ASAP1: variants seen among roughly 807,000 people sequenced by gnomAD.
ASAP1 encodes ArfGAP with SH3 domain, ankyrin repeat and PH domain 1.
Under a neutral mutation model 145.2 loss-of-function variants are expected in ASAP1, and 43 were observed. That is an observed-to-expected ratio of 0.30 (90% CI 0.23 to 0.38). The LOEUF is 0.38. Ranked by LOEUF, ASAP1 falls within the 10% of genes least tolerant of loss-of-function variation. ASAP1 has a pLI of 1.00. For synonymous variants in ASAP1, 546 were observed against 515.5 expected (o/e 1.06, Z -0.80); for missense variants, 1,018 against 1,355.3 (o/e 0.75, Z 3.91).
chr8:130,220,752 T>A (rs568772746), intron 4 of ASAP1, among the ~76,000 whole-genome samples: 1 of 152,258 alleles, frequency 6.6e-6, no homozygotes, highest in African/African-American at 2.4e-5. Context: ...ATTGACTCAG[T>A]TCAGCCATGG....
At chr8:130,178,189 TC>T (rs1814097347) in intron 9 of ASAP1, among the ~76,000 whole-genome samples, 4 of 152,244 alleles carry the variant, frequency 2.6e-5, no homozygotes, top group Admixed American at 2.6e-4. Context: ...TTTTATCTAG[TC>T]CAAACGACCT....
chr8:130,104,691 T>C (rs1270339142), intron 24 of ASAP1, among the ~76,000 whole-genome samples: 1 of 152,234 alleles, frequency 6.6e-6, no homozygotes, highest in African/African-American at 2.4e-5. Flanking sequence ...TGCTATTTCT[T>C]TATGGCACTG....
At chr8:130,322,853 T>C (rs1388197413) in intron 3 of ASAP1, among the ~76,000 whole-genome samples, 2 of 152,134 alleles carry the variant, frequency 1.3e-5, no homozygotes, top group Non-Finnish European at 2.9e-5. Context: ...TGGAGAGCAG[T>C]GGGAAAAGAT....
In ASAP1 at chr8:130,167,561, G is replaced by T. The variant is rs1426304931; in HGVS notation, c.884C>A (p.Ser295Tyr). ...QLTALRDLIKSSLQLDQKEDS... is the reference protein window; with the variant it reads ...QLTALRDLIKYSLQLDQKEDS... ...TTCTTTCTGATCCAGTTGAAGAGAG[G>T]ATTTTATTAAGTCTCGGAGTGCAGT... The change falls in exon 11 of 30, where the codon TCC (serine) becomes TAC (tyrosine). Residue 295 changes from serine (S) to tyrosine (Y), a missense_variant. Ser to Tyr is a moderately radical substitution (Grantham distance 144). Coordinates refer to ENST00000518721, the MANE Select transcript of ASAP1 (RefSeq NM_018482.4). 6.2e-7 allele frequency: 1 copy of T among 1,613,564 alleles called. No individual in the cohort carries two copies. The highest frequency in any genetic ancestry group is 8.5e-7 in the Non-Finnish European group (1 of 1,179,680).
intron 27 of ASAP1, chr8:130,069,484 GC>G (rs2097437500): frequency 6.6e-6 from 1 of 152,150 alleles, no homozygotes; most frequent in South Asian, 2.1e-4. Context: ...CAATCCACTC[GC>G]CTTAGCCTCC....
At position 130,319,559 on chromosome 8, in the gene ASAP1, T is replaced by A. The variant is rs1037578836; in HGVS notation, c.186+38458A>T. ...GTGAATGGGGAGTCAGAGCCTACCT[T>A]ATCCGTGAAGATGGGACACACTGGC... is the stretch of plus-strand genomic sequence containing the variant. On this transcript the variant is annotated intron_variant, in intron 3 of 29. Coordinates refer to ENST00000518721, the MANE Select transcript of ASAP1 (RefSeq NM_018482.4). Among the ~76,000 whole-genome samples, 58 of 152,288 alleles carry A rather than the reference T, an allele frequency of 3.8e-4. 2 individuals are homozygous for A. The highest frequency in any genetic ancestry group is 3.3e-3 in the Admixed American group (51 of 15,308).
chr8:130,115,678 T>C lies in ASAP1; in HGVS notation c.2122A>G (p.Asn708Asp), dbSNP rs191199415. ...TCATCTATCTCCTCCTGTCGAAGAT[T>C]CCACTCATATTCTACGTGGACGTGT... is the stretch of plus-strand genomic sequence containing the variant. ...NPHVHVEYEW[N>D]LRQEEIDESD... is the part of the protein sequence containing the mutation. The change falls in exon 23 of 30, where the codon AAT (asparagine) becomes GAT (aspartate). Residue 708 changes from asparagine to aspartate, a missense_variant. Coordinates refer to ENST00000518721, the MANE Select transcript of ASAP1 (RefSeq NM_018482.4). 1 of 1,614,228 alleles carries C rather than the reference T, an allele frequency of 6.2e-7. No individual in the cohort carries two copies. The highest frequency in any genetic ancestry group is 1.1e-5 in the South Asian group (1 of 91,086).
intron 3 of ASAP1, among the ~76,000 whole-genome samples, chr8:130,280,908 G>A (rs547743094): frequency 2.0e-5 from 3 of 152,210 alleles, no homozygotes; most frequent in South Asian, 4.2e-4. Flanking sequence ...CCATGTCAGT[G>A]ATTTGTCTAA....
chr8:130,138,448 G>A (rs573977791), intron 13 of ASAP1, among the ~76,000 whole-genome samples: 32 of 152,310 alleles, frequency 2.1e-4, no homozygotes, highest in Non-Finnish European at 1.9e-4. Context: ...TTGCCAAAGA[G>A]GAAACAGTGC....
At chr8:130,121,883 C>A (rs1592850716) in intron 18 of ASAP1, among the ~76,000 whole-genome samples, 1 of 147,906 alleles carries the variant, frequency 6.8e-6, no homozygotes, top group African/African-American at 2.5e-5. Context: ...ATCACACTTA[C>A]AATCAAATCC....
chr8:130,315,312 CAA>C (rs2137588509), intron 3 of ASAP1, among the ~76,000 whole-genome samples: 1 of 152,096 alleles, frequency 6.6e-6, no homozygotes, highest in African/African-American at 2.4e-5. Context: ...TGTATATAAC[CAA>C]GAGAGATCAT....
chr8:130,394,051 A>T (rs185535767), intron 2 of ASAP1, among the ~76,000 whole-genome samples: 2 of 152,194 alleles, frequency 1.3e-5, no homozygotes, highest in Admixed American at 6.5e-5. Context: ...TGATGATTGC[A>T]TTAACTGCAC....
chr8:130,085,735 TAAGAAA>T (rs1338963961), intron 25 of ASAP1, among the ~76,000 whole-genome samples: 250 of 125,296 alleles, frequency 2.0e-3, no homozygotes, highest in African/African-American at 7.4e-3. Flanking sequence ...ACGTTGTCTT[TAAGAAA>T]AAAAAAAAAA....
Position 130,135,317 on chromosome 8 carries a change from C to T in ASAP1, c.1169-973G>A, listed in dbSNP as rs930322730. The stretch of plus-strand genomic sequence containing the variant: ...ACCAGCTTCAGCAACAGAGACCCTG[C>T]CTCTAGACAAAAAATTAAAAATCAG... On this transcript the variant is annotated intron_variant, in intron 14 of 29. Transcript: ENST00000518721. Among the ~76,000 whole-genome samples, 15 of 152,176 alleles carry T rather than the reference C, an allele frequency of 9.9e-5. No individual in the cohort carries two copies. In the South Asian group the frequency reaches 3.1e-3, roughly 32 times the overall value.
chr8:130,249,673 G>C (rs909664976), intron 3 of ASAP1, among the ~76,000 whole-genome samples: 3 of 152,042 alleles, frequency 2.0e-5, no homozygotes, highest in African/African-American at 7.2e-5. Flanking sequence ...TTTTTATCTT[G>C]ACAAAGAACA....
chr8:130,443,083 C>T (rs1830543406), intron 1 of ASAP1, among the ~76,000 whole-genome samples: 1 of 152,062 alleles, frequency 6.6e-6, no homozygotes, highest in African/African-American at 2.4e-5. Context: ...GGCGCCCCAT[C>T]GGCGGGGTCC....
chr8:130,127,011 G>C (rs2097575974), intron 16 of ASAP1, among the ~76,000 whole-genome samples: 1 of 152,154 alleles, frequency 6.6e-6, no homozygotes. Context: ...AGGATTCACT[G>C]AGATAAGCAA....
chr8:130,304,388 C>A (rs965832237), intron 3 of ASAP1, among the ~76,000 whole-genome samples: 1 of 152,140 alleles, frequency 6.6e-6, no homozygotes, highest in African/African-American at 2.4e-5. Context: ...AAAGGAACAT[C>A]ATTTCCCCCC....
In ASAP1 at chr8:130,128,008, G is replaced by C; in HGVS notation, c.1300C>G (p.Leu434Val). The change falls in exon 16 of 30, where the codon CTG (leucine) becomes GTG (valine). Residue 434 changes from leucine to valine, a missense_variant. Coordinates refer to ENST00000518721, the MANE Select transcript of ASAP1 (RefSeq NM_018482.4). Reference sequence around the variant, plus strand: ...ATAATGGCTTTTGTCAGGTCTTCCAGGCTGTTCTCTCCCGCACTCTGCTCT... The same window carrying C: ...ATAATGGCTTTTGTCAGGTCTTCCACGCTGTTCTCTCCCGCACTCTGCTCT... ...RGEQSAGENS[L>V]EDLTKAIIED... is the part of the protein sequence containing the mutation. The C allele has an allele frequency of 1.2e-6, 2 of 1,614,114 alleles. No homozygotes were observed. Among genetic ancestry groups the C allele is most frequent in the Non-Finnish European group, 1.7e-6 (2 of 1,180,024 alleles).
Sources: allele counts gnomAD v4.1 joint callset (sites outside exome capture counted in the v4.1 genomes callset), GRCh38; gene constraint gnomAD v4.1.1; transcripts MANE v1.5; gene names NCBI Gene and HGNC (gene_info 2026-07-23, HGNC 2026-07-21).